Variants in LGALS9C observed in about 807,000 individuals in gnomAD.
LGALS9C encodes galectin-9C.
LGALS9C carries 7 observed loss-of-function variants against 41.3 expected under a neutral mutation model. That is an observed-to-expected ratio of 0.17 (90% CI 0.10 to 0.32). The LOEUF is 0.32. Ranked by LOEUF, LGALS9C falls within the 10% of genes least tolerant of loss-of-function variation. LGALS9C has a pLI of 1.00. For synonymous variants in LGALS9C, 44 were observed against 171.0 expected, an observed-to-expected ratio of 0.26 and a Z score of 5.80; for missense variants, 102 against 455.2, an observed-to-expected ratio of 0.22 and a Z score of 7.06.
At chr17:18,486,442 A>G (rs2151667569) in intron 3 of LGALS9C, 1 of 309,506 alleles carries the variant, frequency 3.2e-6, no homozygotes, top group African/African-American at 2.5e-5. Flanking sequence ...TTCCTCTGCT[A>G]TCACCATACC....
Position 18,478,138 on chromosome 17 carries a change from G to A in LGALS9C, c.39+1245G>A, listed in dbSNP as rs1031944806. Among the ~76,000 whole-genome samples, 3 of 129,842 alleles carry A rather than the reference G, an allele frequency of 2.3e-5. 1 individual carries two copies. Among genetic ancestry groups the A allele is most frequent in the Non-Finnish European group, 5.6e-5 (3 of 53,156 alleles). 85.2% of individuals were successfully genotyped at this position (129,842 alleles called of 152,430 possible). A position where few individuals can be genotyped will look rare whatever the true frequency, so the allele number is the denominator to read the frequency against. ...TAGAACCTGCATAGAGGGAGTGGGGGAAGCTGGAATGGGCTGCCGGTGTTG... is the reference window on the plus strand; with the variant it reads ...TAGAACCTGCATAGAGGGAGTGGGGAAAGCTGGAATGGGCTGCCGGTGTTG... On this transcript the variant is annotated intron_variant, in intron 1 of 10. Coordinates refer to ENST00000328114, the MANE Select transcript of LGALS9C (RefSeq NM_001040078.3).
intron 4 of LGALS9C, among the ~76,000 whole-genome samples, 173 bp from the exon 5 acceptor site, chr17:18,488,768 C>A (rs1295700927): frequency 1.5e-5 from 2 of 135,168 alleles, no homozygotes; most frequent in Non-Finnish European, 3.4e-5. Flanking sequence ...TGTCCCCCTG[C>A]GCTGCTCACC....
intron 1 of LGALS9C, among the ~76,000 whole-genome samples, chr17:18,483,341 G>C (rs1223232634): frequency 1.5e-5 from 2 of 134,744 alleles, no homozygotes; most frequent in Non-Finnish European, 1.8e-5. Flanking sequence ...GGTGGGGAGA[G>C]GTGCATGCCT....
In LGALS9C at chr17:18,476,867, G is replaced by A. The variant is rs138462886; in HGVS notation, c.13G>A (p.Gly5Ser). The A allele has an allele frequency of 7.2e-5, 115 of 1,601,778 alleles. No individual in the cohort carries two copies. The African/African-American group carries it at 9.6e-4, about 13-fold the overall frequency. ...AGGCGGTGGAGAGATGGCCTTCAGC[G>A]GTTGCCAGGCTCCCTATCTGAGCCC... MAFS[G>S]CQAPYLSPAV... The change falls in exon 1 of 11, where the codon GGT becomes AGT. Residue 5 changes from glycine to serine, a missense_variant. By Grantham distance (56) the Gly-to-Ser change is moderately conservative. Coordinates refer to ENST00000328114, the MANE Select transcript of LGALS9C (RefSeq NM_001040078.3).
At position 18,492,534 on chromosome 17, in the gene LGALS9C, C is replaced by T. The variant is rs143721398; in HGVS notation, c.750C>T (p.Pro250=). Residue 250 remains proline, a synonymous_variant, in exon 9 of 11, where the codon CCC becomes CCT. Coordinates refer to ENST00000328114, the MANE Select transcript of LGALS9C (RefSeq NM_001040078.3). ...TCATCCTGTCAGGCACTGTCCTGCC[C>T]AGTGCTCAGAGGTAAGCCAAAGGCT... ...KSIILSGTVL[P]SAQRFHINLC... is the part of the protein sequence containing the mutation. 6.3e-7 allele frequency: 1 copy of T among 1,576,520 alleles called. No homozygotes were observed. Among genetic ancestry groups the T allele is most frequent in the Non-Finnish European group, 8.7e-7 (1 of 1,151,538 alleles).
rs1339807989 is a variant in LGALS9C, at chr17:18,486,058, G to A, written c.256G>A (p.Glu86Lys). Reference protein sequence around the residue: ...TRQKGTWGPEERKMHMPFQKG... With the variant: ...TRQKGTWGPEKRKMHMPFQKG... The stretch of plus-strand genomic sequence containing the variant: ...GCAGAAAGGAACATGGGGGCCCGAG[G>A]AGAGGAAGATGCACATGCCCTTCCA... The change falls in exon 3 of 11, where the codon GAG becomes AAG. Residue 86 changes from glutamate to lysine, a missense_variant. Transcript: ENST00000328114. 1 of 1,278,606 alleles carries A rather than the reference G, an allele frequency of 7.8e-7. No individual in the cohort carries two copies. Among genetic ancestry groups the A allele is most frequent in the Non-Finnish European group, 1.1e-6 (1 of 907,864 alleles). The allele number at this position is 1,278,606 out of a possible 1,614,324, so 79.2% of individuals were successfully genotyped here. A position where few individuals can be genotyped will look rare whatever the true frequency, so the allele number is the denominator to read the frequency against.
At position 18,491,270 on chromosome 17, in the gene LGALS9C, C is replaced by T. The variant is rs202158469; in HGVS notation, c.577-3C>T. ...TGGGTGAGACCTGGTTTCTTTCTTC[C>T]AGACCCAGACAGTCATCCACACGGT... is the stretch of plus-strand genomic sequence containing the variant. On this transcript the variant is annotated splice_polypyrimidine_tract_variant and splice_region_variant and intron_variant, in intron 6 of 10. Coordinates refer to ENST00000328114, the MANE Select transcript of LGALS9C (RefSeq NM_001040078.3). The T allele has an allele frequency of 4.7e-3, 6,991 of 1,484,384 alleles. 783 individuals are homozygous for T. Among genetic ancestry groups the T allele is most frequent in the South Asian group, 6.2e-3 (516 of 83,436 alleles). 92.0% of individuals were successfully genotyped at this position (1,484,384 alleles called of 1,614,324 possible).
At chr17:18,488,868 G>GC (rs1989697476) in intron 4 of LGALS9C, 73 bp from the exon 5 acceptor site, 1 of 1,344,684 alleles carries the variant, frequency 7.4e-7, no homozygotes, top group South Asian at 1.3e-5. Context: ...TCCTGCCCCT[G>GC]CATCTGCCTT....
chr17:18,491,043 G>A lies in LGALS9C; in HGVS notation c.577-230G>A, dbSNP rs1406036883. 1.1e-5 allele frequency: 6 copies of A among 562,144 alleles called. 1 individual carries two copies. Among genetic ancestry groups the A allele is most frequent in the Non-Finnish European group, 9.6e-6 (3 of 312,492 alleles). The allele number at this position is 562,144 out of a possible 1,614,324, so 34.8% of individuals were successfully genotyped here. ...GCAAAGGGAGGCTAGGCTGAGAGAC[G>A]TTTCCCCGAGAGGAAAGATGGGCCA... On this transcript the variant is annotated intron_variant, in intron 6 of 10. Transcript: ENST00000328114.
At chr17:18,480,227 C>A (rs1208342087) in intron 1 of LGALS9C, among the ~76,000 whole-genome samples, 4 of 117,318 alleles carry the variant, frequency 3.4e-5, no homozygotes, top group African/African-American at 1.1e-4. Context: ...AAAAAAAAAA[C>A]ACAACAAACA....
chr17:18,481,916 C>G (rs1204371024), intron 1 of LGALS9C, among the ~76,000 whole-genome samples: 1 of 139,502 alleles, frequency 7.2e-6, no homozygotes, highest in Non-Finnish European at 1.7e-5. Context: ...TTGGCCTGCA[C>G]AGTGTTTATT....
intron 1 of LGALS9C, among the ~76,000 whole-genome samples, chr17:18,480,924 CT>C (rs1168629278): frequency 2.1e-5 from 3 of 145,008 alleles, no homozygotes; most frequent in Admixed American, 6.9e-5. Flanking sequence ...AAGACCAGCC[CT>C]GGCAACATAT....
intron 1 of LGALS9C, among the ~76,000 whole-genome samples, chr17:18,482,556 G>T (rs1302010267): frequency 2.7e-5 from 4 of 145,486 alleles, no homozygotes; most frequent in African/African-American, 9.8e-5. Flanking sequence ...TAAAAATTTG[G>T]AAGTTCTGCC....
intron 1 of LGALS9C, among the ~76,000 whole-genome samples, chr17:18,483,375 C>T (rs1216130637): frequency 8.0e-6 from 1 of 125,242 alleles, no homozygotes; most frequent in Non-Finnish European, 1.9e-5. Flanking sequence ...CTCTGGTGAC[C>T]CTCTCGGTGG....
chr17:18,488,177 G>A (rs1469604048), intron 4 of LGALS9C, among the ~76,000 whole-genome samples: 1 of 129,692 alleles, frequency 7.7e-6, no homozygotes, highest in South Asian at 2.3e-4. Context: ...TGTAGAATGA[G>A]CATGGTCATT....
At chr17:18,480,219 A>C (rs192694068) in intron 1 of LGALS9C, among the ~76,000 whole-genome samples, 11,844 of 122,150 alleles carry the variant, frequency 0.097, 299 homozygotes, top group African/African-American at 0.25. Flanking sequence ...AAAAAAAAAA[A>C]AAAAAAACAC....
chr17:18,482,025 A>G (rs2151663342), intron 1 of LGALS9C, among the ~76,000 whole-genome samples: 1 of 150,894 alleles, frequency 6.6e-6, no homozygotes, highest in South Asian at 2.1e-4. Flanking sequence ...ACTCAGGCCT[A>G]TCTTGCTTCA....
intron 1 of LGALS9C, among the ~76,000 whole-genome samples, chr17:18,478,534 G>T (rs1989286296): frequency 7.7e-6 from 1 of 129,714 alleles, no homozygotes; most frequent in Admixed American, 7.5e-5. Flanking sequence ...AGGTCACGCG[G>T]TTCATGTCCT....
intron 3 of LGALS9C, among the ~76,000 whole-genome samples, chr17:18,487,312 T>G: frequency 1.4e-5 from 1 of 69,030 alleles, no homozygotes; most frequent in Non-Finnish European, 3.3e-5. Flanking sequence ...AAAAAAAAGT[T>G]GAAGGAAAAA....
Sources: allele counts gnomAD v4.1 joint callset (sites outside exome capture counted in the v4.1 genomes callset), GRCh38; gene constraint gnomAD v4.1.1; transcripts MANE v1.5; gene names NCBI Gene and HGNC (gene_info 2026-07-23, HGNC 2026-07-21).